Variants in WDR41 observed in about 807,000 individuals in gnomAD.
WDR41 encodes the protein WD repeat-containing protein 41.
Under a neutral mutation model 69.3 loss-of-function variants are expected in WDR41, and 63 were observed. That is an observed-to-expected ratio of 0.91 (90% CI 0.74 to 1.12). The LOEUF is 1.12. WDR41 is among the 50% of genes most tolerant of loss of function. WDR41 has a pLI of 0.00. For missense variants in WDR41, 543 were observed against 534.5 expected (o/e 1.02, Z -0.16); for synonymous variants, 185 against 192.1 (o/e 0.96, Z 0.31).
At chr5:77,494,894 T>C (rs888868348), upstream of WDR41, among the ~76,000 whole-genome samples, 2 of 152,190 alleles carry the variant, frequency 1.3e-5, no homozygotes, top group Non-Finnish European at 2.9e-5. Flanking sequence ...ATAGACCATA[T>C]GTTAGGCCAC....
chr5:77,551,244 G>GAATAA (rs1158649784), intron 1 of WDR41, among the ~76,000 whole-genome samples: 1 of 151,996 alleles, frequency 6.6e-6, no homozygotes, highest in East Asian at 1.9e-4. Flanking sequence ...CAGAAAGAAA[G>GAATAA]AATAAAATAA....
chr5:77,434,641 A>C (rs1333927398), intron 12 of WDR41, among the ~76,000 whole-genome samples: 1 of 151,600 alleles, frequency 6.6e-6, no homozygotes, highest in African/African-American at 2.4e-5. Flanking sequence ...GGAGGCGGAG[A>C]GTACAGTGAC....
chr5:77,484,325 T>C (rs185601549), intron 2 of WDR41, among the ~76,000 whole-genome samples: 2 of 152,264 alleles, frequency 1.3e-5, no homozygotes, highest in East Asian at 3.9e-4. Context: ...ACTGCCGAAA[T>C]TCCCCGCTTG....
rs1581681056 is a variant in WDR41, at chr5:77,431,324, AAAAAGATTATGACTCGCTG to A, written c.*1792_*1810del. The A allele has an allele frequency of 6.6e-6, 1 of 152,470 alleles. No individual in the cohort carries two copies. The highest frequency in any genetic ancestry group is 2.4e-5 in the African/African-American group (1 of 41,464). The allele number at this position is 152,470 out of a possible 1,614,324, so 9.4% of individuals were successfully genotyped here. ...AGCAGTATCAAGACCCTCCACCAGC[AAAAAGATTATGACTCGCTG>A]AAGGCTCAGATGATTGTTAGCATTT... On this transcript the variant is annotated 3_prime_UTR_variant, in exon 13 of 13. Coordinates refer to ENST00000296679, the MANE Select transcript of WDR41 (RefSeq NM_018268.4).
At chr5:77,558,471 C>T (rs145120644) in intron 1 of WDR41, among the ~76,000 whole-genome samples, 119 of 152,304 alleles carry the variant, frequency 7.8e-4, no homozygotes, top group Admixed American at 1.5e-3. Context: ...GCCTCGCTGA[C>T]CTGCACCGAA....
At chr5:77,548,206 C>T (rs1428831376) in intron 1 of WDR41, among the ~76,000 whole-genome samples, 1 of 152,208 alleles carries the variant, frequency 6.6e-6, no homozygotes, top group Admixed American at 6.5e-5. Context: ...AAAAACTCTT[C>T]TAGACATTGG....
intron 1 of WDR41, among the ~76,000 whole-genome samples, chr5:77,601,597 T>A (rs981780111): frequency 3.9e-5 from 6 of 152,194 alleles, no homozygotes; most frequent in African/African-American, 1.4e-4. Context: ...GACTAAGGGT[T>A]TGGCACTTAA....
chr5:77,554,168 A>G (rs1261718541), intron 1 of WDR41, among the ~76,000 whole-genome samples: 4 of 152,222 alleles, frequency 2.6e-5, no homozygotes, highest in Admixed American at 2.6e-4. Flanking sequence ...ATAGTGTTTT[A>G]TAATCCCCAA....
In WDR41 at chr5:77,560,214, T is replaced by A. The variant is rs1244164711; in HGVS notation, c.42+60265A>T. Among the ~76,000 whole-genome samples, 4 of 152,180 alleles carry A rather than the reference T, an allele frequency of 2.6e-5. No homozygotes were observed. In the East Asian group the frequency reaches 7.7e-4, roughly 29 times the overall value. ...TACCTTAATTTAAATGTAAAAGACATGGTTGCTGAAGTATGAGTCTCTTAT... is the reference window on the plus strand; with the variant it reads ...TACCTTAATTTAAATGTAAAAGACAAGGTTGCTGAAGTATGAGTCTCTTAT... On this transcript the variant is annotated intron_variant, in intron 1 of 5. Coordinates refer to the WDR41 transcript ENST00000509971.
intron 1 of WDR41, among the ~76,000 whole-genome samples, chr5:77,538,169 G>A (rs1743023908): frequency 6.6e-6 from 1 of 151,870 alleles, no homozygotes; most frequent in Admixed American, 6.6e-5. Context: ...ATATTATTTA[G>A]CTCCCACTTA....
At chr5:77,590,289 T>A (rs993538306) in intron 1 of WDR41, among the ~76,000 whole-genome samples, 1 of 152,228 alleles carries the variant, frequency 6.6e-6, no homozygotes, top group Non-Finnish European at 1.5e-5. Context: ...CTTACCAATG[T>A]CTGCAGTGGA....
intron 1 of WDR41, among the ~76,000 whole-genome samples, chr5:77,577,401 G>A (rs570414080): frequency 2.0e-4 from 29 of 146,444 alleles, no homozygotes; most frequent in African/African-American, 5.6e-4. Flanking sequence ...AATAAAATAT[G>A]AGAAATTGCT....
chr5:77,437,142 TG>T (rs1798967281), intron 11 of WDR41, among the ~76,000 whole-genome samples, 193 bp downstream of exon 11: 1 of 152,220 alleles, frequency 6.6e-6, no homozygotes, highest in South Asian at 2.1e-4. Flanking sequence ...TGAAATGAAG[TG>T]GCAGTTCTAC....
intron 1 of WDR41, among the ~76,000 whole-genome samples, chr5:77,551,688 A>T (rs115458181): frequency 7.4e-4 from 111 of 150,860 alleles, no homozygotes; most frequent in African/African-American, 2.6e-3. Context: ...AAAAAATAAA[A>T]AAATAAAGCC....
intron 1 of WDR41, chr5:77,491,426 GGTCTCTTC>G (rs1340430217): frequency 6.5e-6 from 1 of 153,698 alleles, no homozygotes; most frequent in Non-Finnish European, 1.5e-5. Flanking sequence ...CCTGTTTGGT[GGTCTCTTC>G]ACACGGACGC....
chr5:77,573,245 G>T (rs1471004889), intron 1 of WDR41, among the ~76,000 whole-genome samples: 1 of 150,922 alleles, frequency 6.6e-6, no homozygotes, highest in Non-Finnish European at 1.5e-5. Context: ...TTTACTACCA[G>T]ATTCTCTCTC....
At chr5:77,571,068 A>C (rs1239978494) in intron 1 of WDR41, among the ~76,000 whole-genome samples, 1 of 152,176 alleles carries the variant, frequency 6.6e-6, no homozygotes, top group Non-Finnish European at 1.5e-5. Flanking sequence ...GCACACACAG[A>C]TGTCAGTCAG....
intron 1 of WDR41, chr5:77,582,905 G>C (rs1157702047): frequency 1.2e-6 from 2 of 1,608,756 alleles, no homozygotes; most frequent in Non-Finnish European, 1.7e-6. Context: ...TTGATTGCTC[G>C]ATCTCTTGGT....
At chr5:77,532,249 G>A (rs1581788171) in intron 1 of WDR41, among the ~76,000 whole-genome samples, 1 of 152,172 alleles carries the variant, frequency 6.6e-6, no homozygotes, top group African/African-American at 2.4e-5. Flanking sequence ...CAATTTTGCT[G>A]TATGTTTGAA....
Sources: gnomAD v4.1 joint callset for allele counts (sites outside exome capture counted in the v4.1 genomes callset) on GRCh38, gnomAD v4.1.1 for gene constraint, MANE v1.5 for transcripts, NCBI Gene and HGNC (gene_info 2026-07-23, HGNC 2026-07-21) for gene names.